CTNNA3: variants seen among roughly 807,000 people sequenced by gnomAD.
CTNNA3 encodes the protein catenin alpha-3.
In CTNNA3, 76 loss-of-function variants were observed where a neutral mutation model predicts 95.7. That is an observed-to-expected ratio of 0.79 (90% confidence interval 0.66 to 0.96). The LOEUF is 0.96. CTNNA3 is among the 40% of genes least tolerant of loss of function. The pLI is 0.00. For synonymous variants in CTNNA3, 431 were observed against 374.4 expected, an observed-to-expected ratio of 1.15 and a Z score of -1.74; for missense variants, 1,191 against 1,089.8, an observed-to-expected ratio of 1.09 and a Z score of -1.31.
intron 9 of CTNNA3, among the ~76,000 whole-genome samples, chr10:66,636,502 ATAAT>A (rs1845342631): frequency 6.6e-6 from 1 of 152,106 alleles, no homozygotes; most frequent in African/African-American, 2.4e-5. Context: ...CTAACCTTCC[ATAAT>A]TAGAGCAAAC....
chr10:66,107,280 T>C (rs969778833), intron 13 of CTNNA3, among the ~76,000 whole-genome samples: 1 of 152,214 alleles, frequency 6.6e-6, no homozygotes, highest in Non-Finnish European at 1.5e-5. Context: ...TGGCTTATTA[T>C]GGTGTCTTCC....
intron 14 of CTNNA3, among the ~76,000 whole-genome samples, chr10:66,071,107 G>A (rs1471321733): frequency 1.3e-5 from 2 of 152,138 alleles, no homozygotes; most frequent in Non-Finnish European, 1.5e-5. Context: ...GAAGACTTAA[G>A]AGAATACTTG....
chr10:65,971,843 G>T (rs2078110731), intron 16 of CTNNA3, among the ~76,000 whole-genome samples: 1 of 151,888 alleles, frequency 6.6e-6, no homozygotes, highest in African/African-American at 2.4e-5. Context: ...GGAAAACCTG[G>T]TAAAGATACA....
intron 7 of CTNNA3, among the ~76,000 whole-genome samples, chr10:67,120,755 G>T (rs1859425310): frequency 6.6e-6 from 1 of 152,016 alleles, no homozygotes; most frequent in Non-Finnish European, 1.5e-5. Flanking sequence ...AGACTGATAA[G>T]ATTCCCTTAC....
intron 7 of CTNNA3, among the ~76,000 whole-genome samples, chr10:67,110,032 C>T (rs1858836826): frequency 6.6e-6 from 1 of 151,968 alleles, no homozygotes; most frequent in African/African-American, 2.4e-5. Context: ...CATGAGAATT[C>T]CCAATATATA....
At chr10:66,286,093 G>T (rs552124408) in intron 12 of CTNNA3, among the ~76,000 whole-genome samples, 4 of 152,054 alleles carry the variant, frequency 2.6e-5, no homozygotes, top group African/African-American at 9.6e-5. Context: ...GTGAATATAT[G>T]TGTACATTTT....
intron 9 of CTNNA3, among the ~76,000 whole-genome samples, chr10:66,685,970 C>A (rs899043656): frequency 9.2e-5 from 14 of 152,074 alleles, no homozygotes; most frequent in Admixed American, 8.5e-4. Context: ...TTTTATAAGA[C>A]TTTGAGTTTA....
intron 7 of CTNNA3, among the ~76,000 whole-genome samples, chr10:67,095,708 G>A (rs1022585058): frequency 6.6e-6 from 1 of 151,732 alleles, no homozygotes; most frequent in South Asian, 2.1e-4. Context: ...TTTCCATGAC[G>A]AATAAGGACA....
At chr10:66,766,611 A>G (rs2132787296) in intron 8 of CTNNA3, among the ~76,000 whole-genome samples, 195 bp from the exon 9 acceptor site, 1 of 152,340 alleles carries the variant, frequency 6.6e-6, no homozygotes, top group Non-Finnish European at 1.5e-5. Flanking sequence ...AGAAAAAATC[A>G]TCTAGCAATA....
At chr10:66,529,115 A>C (rs1841369779) in intron 10 of CTNNA3, among the ~76,000 whole-genome samples, 1 of 151,846 alleles carries the variant, frequency 6.6e-6, no homozygotes, top group African/African-American at 2.4e-5. Context: ...TATCACAATC[A>C]ATGTATTATT....
intron 13 of CTNNA3, among the ~76,000 whole-genome samples, chr10:66,190,223 G>A (rs2086595527): frequency 1.3e-5 from 2 of 152,136 alleles, no homozygotes; most frequent in South Asian, 4.2e-4. Flanking sequence ...ACAGTAATAG[G>A]CAATTTCTCA....
intron 5 of CTNNA3, among the ~76,000 whole-genome samples, chr10:67,468,459 T>A (rs1159669983): frequency 6.6e-6 from 1 of 152,148 alleles, no homozygotes; most frequent in Admixed American, 6.5e-5. Context: ...TGTGACCACA[T>A]ATATTCAGCC....
At chr10:67,060,128 C>T (rs1219735790) in intron 7 of CTNNA3, among the ~76,000 whole-genome samples, 1 of 151,986 alleles carries the variant, frequency 6.6e-6, no homozygotes, top group Non-Finnish European at 1.5e-5. Context: ...CCAGCCTGGG[C>T]AACATGGCGA....
intron 7 of CTNNA3, among the ~76,000 whole-genome samples, chr10:66,795,064 G>A (rs1841135086): frequency 6.6e-6 from 1 of 152,060 alleles, no homozygotes; most frequent in South Asian, 2.1e-4. Flanking sequence ...TCATCCATGA[G>A]GTTTGGAATC....
chr10:66,355,100 A>G (rs1358244615), intron 12 of CTNNA3, among the ~76,000 whole-genome samples: 3 of 152,144 alleles, frequency 2.0e-5, no homozygotes. Context: ...CATCAAACAT[A>G]CCTGAGAGTC....
At chr10:66,063,946 G>C (rs1035293582) in intron 15 of CTNNA3, among the ~76,000 whole-genome samples, 1 of 152,144 alleles carries the variant, frequency 6.6e-6, no homozygotes, top group African/African-American at 2.4e-5. Context: ...CCTATGTAGT[G>C]TGGTCACTTC....
chr10:67,056,886 G>C (rs989418545), intron 7 of CTNNA3, among the ~76,000 whole-genome samples: 7 of 152,194 alleles, frequency 4.6e-5, no homozygotes, highest in African/African-American at 1.4e-4. Context: ...TATCAAGTGA[G>C]AGAGCAAGGA....
Position 67,357,451 on chromosome 10 carries a change from G to A in CTNNA3, c.580-137581C>T, listed in dbSNP as rs190862618. On this transcript the variant is annotated intron_variant, in intron 5 of 17. Transcript: ENST00000433211. ...ATATTCAATAAAATATGCCATTTAC[G>A]ATAGCAGAAAAGACACTAGAGTAAA... Among the ~76,000 whole-genome samples the A allele has an allele frequency of 2.8e-4, 43 of 152,076 alleles. No individual in the cohort carries two copies. The East Asian group carries it at 5.8e-3, about 21-fold the overall frequency.
At chr10:66,070,366 A>T (rs2080409855) in intron 14 of CTNNA3, among the ~76,000 whole-genome samples, 1 of 152,120 alleles carries the variant, frequency 6.6e-6, no homozygotes, top group African/African-American at 2.4e-5. Flanking sequence ...TAAGCCACCA[A>T]CCCATTAAAC....
Sources: gnomAD v4.1 joint callset for allele counts (sites outside exome capture counted in the v4.1 genomes callset) on GRCh38, gnomAD v4.1.1 for gene constraint, MANE v1.5 for transcripts, NCBI Gene and HGNC (gene_info 2026-07-23, HGNC 2026-07-21) for gene names.